The following IQGAP2 variants were observed in gnomAD, a reference collection of about 807,000 sequenced individuals.
IQGAP2 encodes the protein ras GTPase-activating-like protein IQGAP2.
IQGAP2 carries 173 observed loss-of-function variants against 201.3 expected under a neutral mutation model. The observed-to-expected ratio is 0.86, with a 90% CI of 0.76 to 0.98. The LOEUF is 0.98. IQGAP2 is among the 50% of genes least tolerant of loss of function. The pLI is 0.00. For synonymous variants in IQGAP2, 675 were observed against 673.9 expected, an observed-to-expected ratio of 1.00 and a Z score of -0.03; for missense variants, 1,687 against 1,864.8, an observed-to-expected ratio of 0.90 and a Z score of 1.76.
chr5:76,602,787 G>A (rs550826326), intron 11 of IQGAP2, among the ~76,000 whole-genome samples: 4 of 152,132 alleles, frequency 2.6e-5, no homozygotes, highest in Non-Finnish European at 4.4e-5. Context: ...TGAGAAACAC[G>A]GCTCTGTCCA....
chr5:76,504,677 C>T (rs1318775033), intron 2 of IQGAP2, among the ~76,000 whole-genome samples: 1 of 152,150 alleles, frequency 6.6e-6, no homozygotes, highest in African/African-American at 2.4e-5. Context: ...ACCCTCCCTC[C>T]TACCTATAAG....
At chr5:76,461,428 T>C (rs540925507) in intron 1 of IQGAP2, 142 bp from the exon 2 acceptor site, 8 of 526,082 alleles carry the variant, frequency 1.5e-5, no homozygotes, top group African/African-American at 2.0e-5. Context: ...AAAGGCAAAT[T>C]TCTCTCTCTG....
chr5:76,513,066 AAAAAAG>A (rs1211109510), intron 2 of IQGAP2, among the ~76,000 whole-genome samples: 1 of 150,878 alleles, frequency 6.6e-6, no homozygotes, highest in Non-Finnish European at 1.5e-5. Context: ...AAAAGAAAAA[AAAAAAG>A]AAAAAAGAAA....
At chr5:76,558,901 C>CT (rs543155441) in intron 2 of IQGAP2, among the ~76,000 whole-genome samples, 3,370 of 147,500 alleles carry the variant, frequency 0.023, 99 homozygotes, top group African/African-American at 0.073. Context: ...GTCTGTTTTT[C>CT]TTTTTTTTTT....
At position 76,665,060 on chromosome 5, in the gene IQGAP2, A is replaced by T; in HGVS notation, c.2564A>T (p.Lys855Ile). The T allele has an allele frequency of 6.3e-7, 1 of 1,594,024 alleles. No individual in the cohort carries two copies. Among genetic ancestry groups the T allele is most frequent in the Non-Finnish European group, 8.6e-7 (1 of 1,162,074 alleles). ...TCACATAGTAAAAAGCTGAACAAGA[A>T]AAAAGGAGGAGAAATGGAAATACTG... Reference protein sequence around the residue: ...VISHSKKLNKKKGGEMEILNN... With the variant: ...VISHSKKLNKIKGGEMEILNN... Residue 855 changes from lysine to isoleucine, a missense_variant, in exon 22 of 36, where the codon AAA becomes ATA. By Grantham distance (102) the Lys-to-Ile change is moderately radical. Transcript: ENST00000274364.
intron 2 of IQGAP2, among the ~76,000 whole-genome samples, chr5:76,543,220 C>A (rs947636500): frequency 6.6e-6 from 1 of 152,122 alleles, no homozygotes; most frequent in Non-Finnish European, 1.5e-5. Context: ...GCTGCTCAAG[C>A]CATATTTCCT....
intron 2 of IQGAP2, among the ~76,000 whole-genome samples, chr5:76,538,130 A>G (rs992601563): frequency 1.3e-5 from 2 of 152,184 alleles, no homozygotes; most frequent in Non-Finnish European, 1.5e-5. Flanking sequence ...AGGAAGAGCA[A>G]AAGTATTTCT....
At chr5:76,463,243 C>T in intron 2 of IQGAP2, among the ~76,000 whole-genome samples, 1 of 151,322 alleles carries the variant, frequency 6.6e-6, no homozygotes, top group East Asian at 1.9e-4. Context: ...ACTCACTTTA[C>T]ATTTTGTTTT....
intron 2 of IQGAP2, among the ~76,000 whole-genome samples, chr5:76,488,422 A>G (rs1756310029): frequency 1.3e-5 from 2 of 152,222 alleles, no homozygotes; most frequent in African/African-American, 4.8e-5. Flanking sequence ...TTTATAATGA[A>G]TGCCTATCTT....
chr5:76,624,290 A>T (rs1198461974), intron 13 of IQGAP2: 1 of 152,198 alleles, frequency 6.6e-6, no homozygotes. Flanking sequence ...GCATTATAAC[A>T]CATTTTTCTG....
chr5:76,541,593 G>C (rs1034762652), intron 2 of IQGAP2, among the ~76,000 whole-genome samples: 1 of 152,208 alleles, frequency 6.6e-6, no homozygotes. Flanking sequence ...ACTTTTTGAG[G>C]AGCCACCAAA....
At chr5:76,426,687 C>A (rs1011918849) in intron 1 of IQGAP2, among the ~76,000 whole-genome samples, 9 of 152,152 alleles carry the variant, frequency 5.9e-5, no homozygotes, top group African/African-American at 1.9e-4. Context: ...CTTTAATACA[C>A]GAAGGGCGCT....
At chr5:76,576,762 C>T (rs1386052315) in intron 5 of IQGAP2, among the ~76,000 whole-genome samples, 2 of 152,088 alleles carry the variant, frequency 1.3e-5, no homozygotes, top group Admixed American at 6.6e-5. Context: ...ATGACAGTTG[C>T]TAGAAATATA....
intron 1 of IQGAP2, among the ~76,000 whole-genome samples, chr5:76,431,326 A>G (rs1752355254): frequency 6.6e-6 from 1 of 152,016 alleles, no homozygotes; most frequent in Non-Finnish European, 1.5e-5. Flanking sequence ...ATAAAAATAT[A>G]AAATGTTTCA....
At chr5:76,600,022 C>T (rs760991078) in intron 10 of IQGAP2, among the ~76,000 whole-genome samples, 1 of 152,018 alleles carries the variant, frequency 6.6e-6, no homozygotes, top group Non-Finnish European at 1.5e-5. Context: ...GTGATTCATG[C>T]CTGTAATCCC....
chr5:76,673,972 C>G lies in IQGAP2; in HGVS notation c.3230C>G (p.Ala1077Gly), dbSNP rs745458568. 6.3e-7 allele frequency: 1 copy of G among 1,599,394 alleles called. No homozygotes were observed. The highest frequency in any genetic ancestry group is 8.6e-7 in the Non-Finnish European group (1 of 1,166,916). ...TGTAGTTATGGATTGAGGTATATAG[C>G]CAAAGTACTGAAGAATTCGATCCAT... ...DLLPYGLRYI[A>G]KVLKNSIHEK... Residue 1077 changes from alanine to glycine, a missense_variant, in exon 26 of 36, where the codon GCC becomes GGC. Coordinates refer to ENST00000274364, the MANE Select transcript of IQGAP2 (RefSeq NM_006633.5).
intron 22 of IQGAP2, among the ~76,000 whole-genome samples, chr5:76,666,648 C>T (rs1287570959): frequency 2.0e-5 from 3 of 152,174 alleles, no homozygotes; most frequent in Non-Finnish European, 4.4e-5. Flanking sequence ...TTTTTCTTCT[C>T]CTTCTCTTCT....
chr5:76,491,958 G>A (rs6891303), intron 2 of IQGAP2, among the ~76,000 whole-genome samples: 64,232 of 151,452 alleles, frequency 0.42, 16,801 homozygotes, highest in African/African-American at 0.73. Flanking sequence ...GTCTCCTCTC[G>A]ATTCTCCTGG....
intron 1 of IQGAP2, among the ~76,000 whole-genome samples, chr5:76,426,935 T>TGTGTGTGTGTGTGTGTGTGTGA: frequency 6.6e-6 from 1 of 151,394 alleles, no homozygotes; most frequent in Non-Finnish European, 1.5e-5. Flanking sequence ...TGTGTGTGTG[T>TGTGTGTGTGTGTGTGTGTGTGA]GAGTGTGTGC....
Sources: gnomAD v4.1 joint callset for allele counts (sites outside exome capture counted in the v4.1 genomes callset) on GRCh38, gnomAD v4.1.1 for gene constraint, MANE v1.5 for transcripts, NCBI Gene and HGNC (gene_info 2026-07-23, HGNC 2026-07-21) for gene names.